Variants in TSC2 observed in about 807,000 individuals in gnomAD.
TSC2 encodes tuberin.
TSC2 carries 29 observed loss-of-function variants against 202.2 expected under a neutral mutation model. That is an observed-to-expected ratio of 0.14 (90% CI 0.11 to 0.20). The LOEUF is 0.20. TSC2 is among the 10% of genes least tolerant of loss of function. TSC2 has a pLI of 1.00. For missense variants in TSC2, 2,429 were observed against 2,420.0 expected (o/e 1.00, Z -0.08); for synonymous variants, 1,349 against 1,044.0 (o/e 1.29, Z -5.63).
intron 23 of TSC2, 54 bp from the exon 24 acceptor site, chr16:2,076,014 C>G (rs2151384701): frequency 2.5e-6 from 4 of 1,613,250 alleles, no homozygotes; most frequent in South Asian, 1.1e-5. Context: ...ACTTCATGCC[C>G]TGGGGATGTT....
chr16:2,072,297 C>T lies in TSC2; in HGVS notation c.2154C>T (p.Arg718=), dbSNP rs878854081. Residue 718 remains arginine (R), a synonymous_variant, in exon 20 of 42, where the codon CGC becomes CGT. Transcript: ENST00000219476. ...LVLGRLPESL[R]YKVLIFTSPC... is the part of the protein sequence containing the mutation. The stretch of plus-strand genomic sequence containing the variant: ...TGGGCAGGCTGCCTGAGTCCCTGCG[C>T]TATAAAGTGCTCATCTTTACTTCCC... 1.9e-6 allele frequency: 3 copies of T among 1,614,166 alleles called. No homozygotes were observed. The highest frequency in any genetic ancestry group is 2.5e-6 in the Non-Finnish European group (3 of 1,180,054).
rs397515011 is a variant in TSC2, at chr16:2,056,729, G to A, written c.734G>A (p.Arg245His). The change falls in exon 8 of 42, where the codon CGC becomes CAC. Residue 245 changes from arginine to histidine, a missense_variant. Transcript: ENST00000219476. ...SLPLFIVTLC[R>H]TINVKELCEP... ...CCGCTGTTCATCGTTACCCTCTGTCGCACCATCAACGTCAAGGAGCTCTGC... is the reference window on the plus strand; with the variant it reads ...CCGCTGTTCATCGTTACCCTCTGTCACACCATCAACGTCAAGGAGCTCTGC... 48 of 1,611,728 alleles carry A rather than the reference G, an allele frequency of 3.0e-5. No homozygotes were observed. Among genetic ancestry groups the A allele is most frequent in the East Asian group, 1.3e-4 (6 of 44,896 alleles).
intron 12 of TSC2, 33 bp from the exon 13 acceptor site, chr16:2,062,464 G>T (rs370805403): frequency 6.3e-7 from 1 of 1,576,082 alleles, no homozygotes; most frequent in East Asian, 2.3e-5. Flanking sequence ...CGCCGGAGGG[G>T]CAGAGGGGCA....
In TSC2 at chr16:2,076,605, GC is replaced by G; in HGVS notation, c.2837+22del. The G allele has an allele frequency of 6.2e-7, 1 of 1,611,898 alleles. No homozygotes were observed. The highest frequency in any genetic ancestry group is 8.5e-7 in the Non-Finnish European group (1 of 1,179,240). On this transcript the variant is annotated intron_variant, in intron 25 of 41. Transcript: ENST00000219476. The stretch of plus-strand genomic sequence containing the variant: ...CAAGAGGTACGGCCTGCGGGGGTGT[GC>G]CTGGAGTCGGTGTGGGGTGGGGAAG...
At chr16:2,074,085 A>T in intron 21 of TSC2, 115 bp from the exon 22 acceptor site, 1 of 1,360,798 alleles carries the variant, frequency 7.3e-7, no homozygotes, top group Non-Finnish European at 1.0e-6. Context: ...ACAGGCATTC[A>T]GGGACTTGCT....
At chr16:2,058,084 CAGCCCTGCCTCAGCCCTGCATCTCTCCT>C (rs2086114627) in intron 9 of TSC2, among the ~76,000 whole-genome samples, 2 of 149,762 alleles carry the variant, frequency 1.3e-5, no homozygotes, top group Middle Eastern at 3.3e-3. Context: ...CCCTGGGGCC[CAGCCCTGCCTCAGCCCTGCATCTCTCCT>C]AGCCCTGCCT....
chr16:2,073,849 C>T (rs2088861046), intron 21 of TSC2, among the ~76,000 whole-genome samples: 1 of 152,278 alleles, frequency 6.6e-6, no homozygotes, highest in South Asian at 2.1e-4. Flanking sequence ...CTGCTGTCCT[C>T]ATGGAAGACA....
Position 2,086,356 on chromosome 16 carries a change from G to T in TSC2, c.4826G>T (p.Cys1609Phe), listed in dbSNP as rs1233744012. The T allele has an allele frequency of 6.2e-7, 1 of 1,612,812 alleles. No individual in the cohort carries two copies. Among genetic ancestry groups the T allele is most frequent in the Admixed American group, 1.7e-5 (1 of 59,988 alleles). The part of the protein sequence containing the change: ...VCGEDGQFTY[C>F]WHDDIMQAVF... The stretch of plus-strand genomic sequence containing the variant: ...GGTGAGGACGGCCAGTTCACCTACT[G>T]CTGGCACGATGACATCATGCAAGGT... The change falls in exon 37 of 42, where the codon TGC becomes TTC. Residue 1609 changes from cysteine to phenylalanine, a missense_variant. Transcript: ENST00000219476.
At chr16:2,048,297 G>C (rs1026289398) in intron 1 of TSC2, 3 of 1,095,412 alleles carry the variant, frequency 2.7e-6, no homozygotes, top group Admixed American at 4.0e-5. Context: ...GGCAAACGTC[G>C]GGGCTCCCAG....
chr16:2,089,362 G>A lies in TSC2; in HGVS notation c.*752G>A, dbSNP rs73498118. The A allele has an allele frequency of 1.4e-3, 514 of 361,726 alleles. No homozygotes were observed. Among genetic ancestry groups the A allele is most frequent in the African/African-American group, 0.01 (488 of 48,586 alleles). The allele number at this position is 361,726 out of a possible 1,614,324, so 22.4% of individuals were successfully genotyped here. Reference sequence around the variant, plus strand: ...AATAACTTAGGGGCAGGGTGGCGGCGGTGCAGGCTAACCCTCCCTGAAGCC... The same window carrying A: ...AATAACTTAGGGGCAGGGTGGCGGCAGTGCAGGCTAACCCTCCCTGAAGCC... On this transcript the variant is annotated 3_prime_UTR_variant, in exon 42 of 42. Coordinates refer to ENST00000219476, the MANE Select transcript of TSC2 (RefSeq NM_000548.5).
intron 26 of TSC2, 143 bp downstream of exon 26, chr16:2,077,869 G>A (rs2089627810): frequency 1.4e-6 from 2 of 1,430,216 alleles, no homozygotes; most frequent in Admixed American, 1.9e-5. Flanking sequence ...GGTGACGAGG[G>A]GTGGAAAGGT....
chr16:2,048,225 A>AACGGGTCTCTGCTGCAGGCGGCTCCGTG, intron 1 of TSC2, 160 bp downstream of exon 1: 1 of 1,470,410 alleles, frequency 6.8e-7, no homozygotes, highest in Non-Finnish European at 9.3e-7. Flanking sequence ...GGCGGGTGCG[A>AACGGGTCTCTGCTGCAGGCGGCTCCGTG]ACGGGTCTCT....
At chr16:2,071,711 G>C (rs1394141718) in intron 18 of TSC2, 73 bp from the exon 19 acceptor site, 1 of 1,596,052 alleles carries the variant, frequency 6.3e-7, no homozygotes, top group Non-Finnish European at 8.5e-7. Flanking sequence ...GATGTCCCAG[G>C]GTTGGGAAGA....
Position 2,076,635 on chromosome 16 carries a change from A to G in TSC2, c.2837+50A>G, listed in dbSNP as rs557639454. ...GAGTCGGTGTGGGGTGGGGAAGGAC[A>G]TGGGGCTGTGGCCTGCCTGACGGTG... On this transcript the variant is annotated intron_variant, in intron 25 of 41. Transcript: ENST00000219476. 104 of 1,593,566 alleles carry G rather than the reference A, an allele frequency of 6.5e-5. 1 individual carries two copies. In the South Asian group the frequency reaches 1.0e-3, roughly 16 times the overall value.
intron 25 of TSC2, 158 bp from the exon 26 acceptor site, chr16:2,077,440 C>T: frequency 9.6e-7 from 1 of 1,043,054 alleles, no homozygotes; most frequent in Admixed American, 2.0e-5. Flanking sequence ...CCGCTAACTG[C>T]CCTTTGGCAT....
At chr16:2,061,409 G>T (rs1567426253) in intron 11 of TSC2, 2 of 317,718 alleles carry the variant, frequency 6.3e-6, no homozygotes, top group Non-Finnish European at 1.2e-5. Context: ...CCAGAGCATT[G>T]CCCCCGACCG....
intron 22 of TSC2, 133 bp from the exon 23 acceptor site, chr16:2,075,666 G>A: frequency 5.4e-6 from 5 of 927,166 alleles, no homozygotes; most frequent in Non-Finnish European, 8.4e-6. Context: ...GGTCGGGAAA[G>A]CCACGTCCGT....
At chr16:2,073,392 C>T (rs1327220166) in intron 21 of TSC2, among the ~76,000 whole-genome samples, 3 of 152,264 alleles carry the variant, frequency 2.0e-5, no homozygotes, top group Non-Finnish European at 4.4e-5. Flanking sequence ...TGTCCCTTCA[C>T]CTGCGATCTG....
In TSC2 at chr16:2,079,205, G is replaced by A. The variant is rs1352481690; in HGVS notation, c.3131+9G>A. The stretch of plus-strand genomic sequence containing the variant: ...ACGGCTGTCCCGAAGAGGTCCAGGC[G>A]GCACTACAGGGCTGGGCGGGCCTGC... On this transcript the variant is annotated intron_variant, in intron 27 of 41. Transcript: ENST00000219476. This position sits in a 1 kb window ranked among gnomAD's most constrained non-coding sequence, Gnocchi z 4.6. 14 of 1,612,752 alleles carry A rather than the reference G, an allele frequency of 8.7e-6. No individual in the cohort carries two copies. The highest frequency in any genetic ancestry group is 4.4e-5 in the South Asian group (4 of 91,076).
Sources: allele counts gnomAD v4.1 joint callset (sites outside exome capture counted in the v4.1 genomes callset), GRCh38; gene constraint gnomAD v4.1.1; non-coding constraint Gnocchi (gnomAD v3.1); transcripts MANE v1.5; gene names NCBI Gene and HGNC (gene_info 2026-07-23, HGNC 2026-07-21).